NCAPD3: variants seen among roughly 807,000 people sequenced by gnomAD.
NCAPD3 encodes non-SMC condensin II complex subunit D3.
Under a neutral mutation model 182.9 loss-of-function variants are expected in NCAPD3, and 105 were observed. That is an observed-to-expected ratio of 0.57 (90% confidence interval 0.49 to 0.68). The LOEUF is 0.68. Ranked by LOEUF, NCAPD3 falls within the 30% of genes least tolerant of loss-of-function variation. NCAPD3 has a pLI of 0.00. For synonymous variants in NCAPD3, 815 were observed against 679.9 expected (o/e 1.20, Z -3.09); for missense variants, 1,944 against 1,837.0 (o/e 1.06, Z -1.07).
Position 134,209,144 on chromosome 11 carries a change from C to G in NCAPD3, c.794+1G>C. 1.2e-6 allele frequency: 2 copies of G among 1,612,586 alleles called. No homozygotes were observed. Among genetic ancestry groups the G allele is most frequent in the Non-Finnish European group, 1.7e-6 (2 of 1,179,256 alleles). On this transcript the variant is annotated splice_donor_variant, in intron 6 of 34. Coordinates refer to ENST00000534548, the MANE Select transcript of NCAPD3 (RefSeq NM_015261.3). LOFTEE classifies it high-confidence loss of function. ...TAGCACTGGAAGATTTAATGGCTCA[C>G]CTGGCTTGTGTAACATGACATTCAT...
At chr11:134,196,637 C>A (rs1944633938) in intron 13 of NCAPD3, among the ~76,000 whole-genome samples, 2 of 135,882 alleles carry the variant, frequency 1.5e-5, no homozygotes, top group Non-Finnish European at 1.6e-5. Flanking sequence ...AACAGCGAAA[C>A]TCCATCTCAA....
intron 16 of NCAPD3, chr11:134,186,255 A>G (rs1448781587): frequency 1.3e-5 from 2 of 152,200 alleles, no homozygotes; most frequent in Non-Finnish European, 2.9e-5. Flanking sequence ...GGATCACAGT[A>G]GTATGATCAC....
At chr11:134,201,263 C>A (rs1196549501) in intron 13 of NCAPD3, among the ~76,000 whole-genome samples, 1 of 152,008 alleles carries the variant, frequency 6.6e-6, no homozygotes, top group Non-Finnish European at 1.5e-5. Flanking sequence ...ACCTCGTGAT[C>A]CTCCTCCCGT....
intron 27 of NCAPD3, 46 bp downstream of exon 27, chr11:134,167,950 C>G: frequency 6.4e-7 from 1 of 1,570,288 alleles, no homozygotes; most frequent in East Asian, 2.2e-5. Context: ...AGGGGAGCAG[C>G]ACACTCACTT....
rs1943288840 is a variant in NCAPD3, at chr11:134,152,757, A to G, written c.*187T>C. On this transcript the variant is annotated 3_prime_UTR_variant, in exon 35 of 35. Coordinates refer to ENST00000534548, the MANE Select transcript of NCAPD3 (RefSeq NM_015261.3). ...ATCTGGCACATCTCTATTATTTGAC[A>G]GTGTTTAACCAAATACATCATACAG... is the stretch of plus-strand genomic sequence containing the variant. 2 of 489,744 alleles carry G rather than the reference A, an allele frequency of 4.1e-6. No homozygotes were observed. The highest frequency in any genetic ancestry group is 3.6e-6 in the Non-Finnish European group (1 of 280,062). The allele number at this position is 489,744 out of a possible 1,614,324, so 30.3% of individuals were successfully genotyped here.
intron 2 of NCAPD3, among the ~76,000 whole-genome samples, chr11:134,219,390 GT>G (rs1307362793): frequency 6.6e-6 from 1 of 152,158 alleles, no homozygotes; most frequent in Non-Finnish European, 1.5e-5. Flanking sequence ...GCAACTGCAT[GT>G]GGCTGCTAGA....
chr11:134,182,510 G>T (rs1030845315), intron 19 of NCAPD3, among the ~76,000 whole-genome samples: 14 of 152,176 alleles, frequency 9.2e-5, no homozygotes, highest in African/African-American at 3.4e-4. Flanking sequence ...CCCTTCTGCA[G>T]TTCCTTACAT....
chr11:134,219,363 TGA>T (rs1235253921), intron 2 of NCAPD3, among the ~76,000 whole-genome samples: 1 of 152,192 alleles, frequency 6.6e-6, no homozygotes, highest in Non-Finnish European at 1.5e-5. Flanking sequence ...ACAGTGGCAC[TGA>T]ACTCTCCACC....
At chr11:134,161,293 C>G (rs1433738070) in intron 28 of NCAPD3, among the ~76,000 whole-genome samples, 4 of 152,236 alleles carry the variant, frequency 2.6e-5, no homozygotes, top group Admixed American at 2.6e-4. Context: ...TTTGCTCCGA[C>G]TGAGCTCCTC....
chr11:134,173,283 T>C (rs938392823), intron 24 of NCAPD3: 1 of 154,068 alleles, frequency 6.5e-6, no homozygotes, highest in African/African-American at 2.4e-5. Flanking sequence ...CGGGGGATGG[T>C]GGGGACAGCA....
chr11:134,211,872 A>AT (rs1013216450), intron 3 of NCAPD3, among the ~76,000 whole-genome samples: 48 of 152,294 alleles, frequency 3.2e-4, no homozygotes, highest in African/African-American at 1.1e-3. Context: ...ATGGGAGAAC[A>AT]TCGTGCAGTC....
At position 134,177,377 on chromosome 11, in the gene NCAPD3, C is replaced by T. The variant is rs765167360; in HGVS notation, c.2863G>A (p.Val955Met). ...ATGATGACGTTGTTGCGGACAGCCA[C>T]GTCCTCACACACCTCGAGCTCTCGC... ...LVRELEVCED[V>M]AVRNNVIIVM... The change falls in exon 23 of 35, where the codon GTG becomes ATG. Residue 955 changes from valine to methionine, a missense_variant. This residue lies in a region of NCAPD3 where 1,803 missense variants were observed against 1,674.6 expected (regional missense o/e 1.08). Coordinates refer to ENST00000534548, the MANE Select transcript of NCAPD3 (RefSeq NM_015261.3). The T allele has an allele frequency of 1.4e-5, 23 of 1,614,264 alleles. No individual in the cohort carries two copies. The South Asian group carries it at 1.8e-4, about 12-fold the overall frequency.
At chr11:134,156,218 G>A (rs1460383400) in intron 32 of NCAPD3, among the ~76,000 whole-genome samples, 1 of 152,192 alleles carries the variant, frequency 6.6e-6, no homozygotes, top group Admixed American at 6.5e-5. Context: ...ACACCTCCCA[G>A]GTTCCAGGCA....
intron 1 of NCAPD3, chr11:134,223,436 C>T: frequency 1.4e-6 from 1 of 702,518 alleles, no homozygotes. Flanking sequence ...CCCATTTTCA[C>T]TCATGTGACG....
chr11:134,163,417 G>A (rs1407241852), intron 27 of NCAPD3, among the ~76,000 whole-genome samples: 2 of 151,970 alleles, frequency 1.3e-5, no homozygotes, highest in African/African-American at 2.4e-5. Context: ...AAAGACTGCT[G>A]GGCTGGGTGT....
Position 134,168,128 on chromosome 11 carries a change from C to T in NCAPD3, c.3441G>A (p.Glu1147=). 6.2e-6 allele frequency: 10 copies of T among 1,614,120 alleles called. No homozygotes were observed. The highest frequency in any genetic ancestry group is 8.5e-6 in the Non-Finnish European group (10 of 1,180,008). The change falls in exon 27 of 35, where the codon GAG becomes GAA. Residue 1147 remains glutamate (E), a synonymous_variant. Coordinates refer to ENST00000534548, the MANE Select transcript of NCAPD3 (RefSeq NM_015261.3). Reference sequence around the variant, plus strand: ...GCTTGATCTCCTTTGAGCTGAGGACCTCAAACGTGTCTGAGAGTAACTCAC... The same window carrying T: ...GCTTGATCTCCTTTGAGCTGAGGACTTCAAACGTGTCTGAGAGTAACTCAC... ...DASELLSDTF[E]VLSSKEIKLL...
intron 19 of NCAPD3, among the ~76,000 whole-genome samples, chr11:134,181,961 C>T (rs545864596): frequency 4.6e-5 from 7 of 152,196 alleles, no homozygotes; most frequent in Non-Finnish European, 1.0e-4. Flanking sequence ...CAGTGCCTGG[C>T]AAGCCACCAC....
chr11:134,154,820 A>C (rs1446254482), intron 32 of NCAPD3, among the ~76,000 whole-genome samples: 1 of 152,222 alleles, frequency 6.6e-6, no homozygotes, highest in Admixed American at 6.5e-5. Context: ...TTACAGTTCA[A>C]AGCTCATCAG....
intron 24 of NCAPD3, among the ~76,000 whole-genome samples, chr11:134,172,338 C>T (rs1176282894): frequency 1.3e-5 from 2 of 152,226 alleles, no homozygotes; most frequent in Non-Finnish European, 2.9e-5. Context: ...AGTGCAGCCA[C>T]GTCGTGGACC....
Sources: gnomAD v4.1 joint callset for allele counts (sites outside exome capture counted in the v4.1 genomes callset) on GRCh38, gnomAD v4.1.1 for gene constraint, gnomAD v4.1.1 regional missense constraint, MANE v1.5 for transcripts, NCBI Gene and HGNC (gene_info 2026-07-23, HGNC 2026-07-21) for gene names.